The following NRCAM variants were observed in gnomAD, a reference collection of about 807,000 sequenced individuals.
NRCAM encodes neuronal cell adhesion molecule.
A neutral mutation model predicts 156.5 loss-of-function variants in NRCAM; 83 were observed. That is an observed-to-expected ratio of 0.53 (90% CI 0.44 to 0.64). The LOEUF (loss-of-function observed/expected upper bound fraction) is 0.64, where lower values mean the gene tolerates loss of function less well. Ranked by LOEUF, NRCAM falls within the 30% of genes least tolerant of loss-of-function variation. The pLI is 0.00. For missense variants in NRCAM, 1,417 were observed against 1,597.3 expected (o/e 0.89, Z 1.92); for synonymous variants, 538 against 563.9 (o/e 0.95, Z 0.65).
intron 2 of NRCAM, among the ~76,000 whole-genome samples, chr7:108,382,256 T>C (rs2099704994): frequency 6.6e-6 from 1 of 151,452 alleles, no homozygotes. Context: ...AAAAAACTCT[T>C]TAGAAACAGG....
At chr7:108,405,805 C>T (rs1448336262) in intron 1 of NRCAM, among the ~76,000 whole-genome samples, 1 of 152,048 alleles carries the variant, frequency 6.6e-6, no homozygotes, top group Non-Finnish European at 1.5e-5. Flanking sequence ...CTCTACAAAC[C>T]TTTTCATATT....
chr7:108,334,150 A>C (rs1013295862), intron 2 of NRCAM, among the ~76,000 whole-genome samples: 1 of 152,240 alleles, frequency 6.6e-6, no homozygotes, highest in African/African-American at 2.4e-5. Flanking sequence ...CTTAAAAAAT[A>C]GAAGTAGAAA....
chr7:108,362,363 A>T (rs968889186), intron 2 of NRCAM, among the ~76,000 whole-genome samples: 3 of 152,212 alleles, frequency 2.0e-5, no homozygotes, highest in Non-Finnish European at 4.4e-5. Flanking sequence ...CTGAGGGTTC[A>T]GATTTCAACA....
chr7:108,230,396 A>G (rs2094164314), intron 8 of NRCAM, among the ~76,000 whole-genome samples: 2 of 152,134 alleles, frequency 1.3e-5, no homozygotes, highest in African/African-American at 4.8e-5. Context: ...TTTGCCCGCT[A>G]TATTCTCTAC....
intron 1 of NRCAM, among the ~76,000 whole-genome samples, chr7:108,436,562 T>G (rs907445926): frequency 3.3e-5 from 5 of 152,232 alleles, no homozygotes; most frequent in Non-Finnish European, 4.4e-5. Flanking sequence ...AGCAAGGTCA[T>G]GAATACAGGG....
In NRCAM at chr7:108,191,812, C is replaced by T. The variant is rs897382270; in HGVS notation, c.1820G>A (p.Ser607Asn). The change falls in exon 18 of 33, where the codon AGT (serine) becomes AAT (asparagine). Residue 607 changes from serine (S) to asparagine (N), a missense_variant. This residue lies in a region of NRCAM where 1,238 missense variants were observed against 1,336.4 expected (regional missense o/e 0.93). Transcript: ENST00000379028. ...DKDHLVVADV[S>N]DDDSGTYTCV... ...CGTGTAGGTCCCGCTGTCATCGTCA[C>T]TGACATCAGCTACCACTAGATGATC... 1.2e-6 allele frequency: 2 copies of T among 1,613,456 alleles called. No individual in the cohort carries two copies. The highest frequency in any genetic ancestry group is 2.2e-5 in the East Asian group (1 of 44,878).
At chr7:108,377,874 G>A (rs533683262) in intron 2 of NRCAM, among the ~76,000 whole-genome samples, 5 of 152,202 alleles carry the variant, frequency 3.3e-5, no homozygotes, top group East Asian at 1.9e-4. Context: ...AGAGGATAAC[G>A]GTAGAGTGAA....
At chr7:108,230,592 C>G (rs2094190870) in intron 8 of NRCAM, among the ~76,000 whole-genome samples, 1 of 152,112 alleles carries the variant, frequency 6.6e-6, no homozygotes, top group Non-Finnish European at 1.5e-5. Context: ...CCACCTTGTC[C>G]TCCTTGCTTT....
At position 108,433,714 on chromosome 7, in the gene NRCAM, C is replaced by T. The variant is rs182955752; in HGVS notation, c.-332+22529G>A. Among the ~76,000 whole-genome samples the T allele has an allele frequency of 5.0e-3, 760 of 152,298 alleles. 2 individuals carry two copies. The highest frequency in any genetic ancestry group is 8.8e-3 in the Non-Finnish European group (599 of 68,020). On this transcript the variant is annotated intron_variant, in intron 1 of 32. Coordinates refer to ENST00000379028, the MANE Select transcript of NRCAM (RefSeq NM_001037132.4). ...TGCACATGGGAGCTCCCTGTTGCCTCCCACCATGAGTGGAAGCAGTCAAGG... is the reference window on the plus strand; with the variant it reads ...TGCACATGGGAGCTCCCTGTTGCCTTCCACCATGAGTGGAAGCAGTCAAGG...
chr7:108,436,340 TGAGA>T (rs1274279001), intron 1 of NRCAM, among the ~76,000 whole-genome samples: 3 of 152,088 alleles, frequency 2.0e-5, no homozygotes, highest in Admixed American at 2.0e-4. Context: ...GTGACATAAA[TGAGA>T]GAATTTTGAT....
At chr7:108,322,429 C>T (rs1265406900) in intron 2 of NRCAM, among the ~76,000 whole-genome samples, 6 of 152,294 alleles carry the variant, frequency 3.9e-5, no homozygotes, top group East Asian at 1.9e-4. Context: ...GTTTATCCCA[C>T]GTTCCCTATT....
At chr7:108,264,174 A>G (rs2096994619) in intron 3 of NRCAM, among the ~76,000 whole-genome samples, 1 of 151,584 alleles carries the variant, frequency 6.6e-6, no homozygotes, top group Non-Finnish European at 1.5e-5. Flanking sequence ...GATAGGTTTC[A>G]CCATTTGGCC....
intron 2 of NRCAM, among the ~76,000 whole-genome samples, chr7:108,388,603 C>A (rs1441245856): frequency 2.0e-5 from 3 of 152,158 alleles, no homozygotes; most frequent in African/African-American, 7.2e-5. Context: ...GTCGCCATTG[C>A]TTTTGGTGTT....
chr7:108,226,344 A>G lies in NRCAM; in HGVS notation c.585T>C (p.Ser195=), dbSNP rs770818618. The G allele has an allele frequency of 6.2e-7, 1 of 1,613,030 alleles. No individual in the cohort carries two copies. Among genetic ancestry groups the G allele is most frequent in the Non-Finnish European group, 8.5e-7 (1 of 1,179,226 alleles). Residue 195 remains serine (S), a synonymous_variant, in exon 9 of 33, where the codon TCT becomes TCC. Transcript: ENST00000379028. Reference sequence around the variant, plus strand: ...AATAAAGGTCCCCATTCAAACCTTGAGAAACTCTCTCACTTTGTGGAAGTC... The same window carrying G: ...AATAAAGGTCCCCATTCAAACCTTGGGAAACTCTCTCACTTTGTGGAAGTC... The part of the protein sequence containing the change: ...FQRLPQSERV[S]QGLNGDLYFS...
chr7:108,317,262 G>A (rs766093239), intron 2 of NRCAM, among the ~76,000 whole-genome samples: 4 of 152,208 alleles, frequency 2.6e-5, no homozygotes, highest in African/African-American at 4.8e-5. Context: ...TTGGCACACT[G>A]TGAACATAAT....
chr7:108,452,919 C>T (rs969762037), intron 1 of NRCAM, among the ~76,000 whole-genome samples: 1 of 152,134 alleles, frequency 6.6e-6, no homozygotes, highest in Non-Finnish European at 1.5e-5. Flanking sequence ...GAAGGGACCA[C>T]AAGAGGGCTT....
chr7:108,170,672 CAT>C (rs1563238872), intron 28 of NRCAM, among the ~76,000 whole-genome samples: 1 of 152,312 alleles, frequency 6.6e-6, no homozygotes, highest in South Asian at 2.1e-4. Context: ...ACCTTGGGCA[CAT>C]GTCTTCAGGG....
At chr7:108,318,507 AT>A (rs2098959520) in intron 2 of NRCAM, among the ~76,000 whole-genome samples, 1 of 152,230 alleles carries the variant, frequency 6.6e-6, no homozygotes, top group African/African-American at 2.4e-5. Context: ...TCAAAGTAAT[AT>A]CAGGAACGTT....
At chr7:108,228,312 A>C in intron 8 of NRCAM, among the ~76,000 whole-genome samples, 1 of 145,156 alleles carries the variant, frequency 6.9e-6, no homozygotes, top group African/African-American at 2.6e-5. Flanking sequence ...ACAGAGCGAG[A>C]CTCCATCTAA....
Sources: allele counts gnomAD v4.1 joint callset (sites outside exome capture counted in the v4.1 genomes callset), GRCh38; gene constraint gnomAD v4.1.1; regional missense constraint gnomAD v4.1.1; transcripts MANE v1.5; gene names NCBI Gene and HGNC (gene_info 2026-07-23, HGNC 2026-07-21).